The following CASKIN1 variants were observed in gnomAD, a reference collection of about 807,000 sequenced individuals.
The protein encoded by CASKIN1 is CASK interacting protein 1, also known as caskin-1.
A neutral mutation model predicts 117.5 loss-of-function variants in CASKIN1; 42 were observed. The ratio of observed to expected loss-of-function variants is 0.36; its 90% CI spans 0.28 to 0.46. The LOEUF (loss-of-function observed/expected upper bound fraction) is 0.46, where lower values mean the gene tolerates loss of function less well. Ranked by LOEUF, CASKIN1 falls within the 20% of genes least tolerant of loss-of-function variation. The pLI is 1.00. For missense variants in CASKIN1, 2,083 were observed against 2,077.3 expected (o/e 1.00, Z -0.05); for synonymous variants, 1,148 against 961.7 (o/e 1.19, Z -3.59).
At chr16:2,184,733 C>T in intron 14 of CASKIN1, 44 bp downstream of exon 14, 2 of 1,438,674 alleles carry the variant, frequency 1.4e-6, no homozygotes, top group Non-Finnish European at 1.8e-6. Context: ...GGCCTTACAG[C>T]CTCTCCCCGG....
chr16:2,183,961 C>T lies in CASKIN1; in HGVS notation c.1417-20G>A, dbSNP rs1425511305. ...AGAGCTCTGGAAGACACAAGGCACC[C>T]ACTGCAGGCTCGCCTGCCCGGCCGC... On this transcript the variant is annotated intron_variant, in intron 14 of 19. Transcript: ENST00000343516. 9 of 1,546,402 alleles carry T rather than the reference C, an allele frequency of 5.8e-6. No individual in the cohort carries two copies. Among genetic ancestry groups the T allele is most frequent in the Non-Finnish European group, 7.9e-6 (9 of 1,139,132 alleles).
rs562736114 is a variant in CASKIN1, at chr16:2,186,969, C to T, written c.930+9G>A. The T allele has an allele frequency of 1.2e-5, 19 of 1,613,594 alleles. No individual in the cohort carries two copies. Among genetic ancestry groups the T allele is most frequent in the Non-Finnish European group, 1.5e-5 (18 of 1,179,822 alleles). ...TCCCTGCTGAGATGGCCCCTGGGGCCATGCTTACTGTGATGATGTCCCCTG... is the reference window on the plus strand; with the variant it reads ...TCCCTGCTGAGATGGCCCCTGGGGCTATGCTTACTGTGATGATGTCCCCTG... On this transcript the variant is annotated intron_variant, in intron 9 of 19. Transcript: ENST00000343516.
chr16:2,185,151 C>T lies in CASKIN1; in HGVS notation c.1199G>A (p.Ser400Asn). The T allele has an allele frequency of 6.2e-7, 1 of 1,608,908 alleles. No homozygotes were observed. Among genetic ancestry groups the T allele is most frequent in the Non-Finnish European group, 8.5e-7 (1 of 1,179,610 alleles). Residue 400 changes from serine (S) to asparagine (N), a missense_variant, in exon 12 of 20, where the codon AGC (serine) becomes AAC (asparagine). Physicochemically the swap from Ser to Asn is conservative, Grantham distance 46. This residue lies in a region of CASKIN1 where 1,818 missense variants were observed against 1,688.9 expected (regional missense o/e 1.08). Coordinates refer to ENST00000343516, the MANE Select transcript of CASKIN1 (RefSeq NM_020764.4). ...GCCCGCGTGTAGGGCGTGACCCCCG[C>T]TGCCCCGGCCGCCAGCCATGCCGCT... ...SISGMAGGRGSGGHALHAGSE... is the reference protein window; with the variant it reads ...SISGMAGGRGNGGHALHAGSE...
Position 2,181,273 on chromosome 16 carries a change from G to A in CASKIN1, c.2095C>T (p.Arg699Trp), listed in dbSNP as rs753187811. ...TGCGAGCTGCTCATGTGCCGTGCCCGACCACCCAGGCTGGAGTCCTGCCGC... is the reference window on the plus strand; with the variant it reads ...TGCGAGCTGCTCATGTGCCGTGCCCAACCACCCAGGCTGGAGTCCTGCCGC... ...TTRQDSSLGG[R>W]ARHMSSSQEL... The change falls in exon 18 of 20, where the codon CGG (arginine) becomes TGG (tryptophan). Residue 699 changes from arginine to tryptophan, a missense_variant. Transcript: ENST00000343516. 32 of 1,601,004 alleles carry A rather than the reference G, an allele frequency of 2.0e-5. No individual in the cohort carries two copies. The Middle Eastern group carries it at 6.6e-4, about 33-fold the overall frequency.
chr16:2,192,289 C>G (rs1023021783), intron 1 of CASKIN1, among the ~76,000 whole-genome samples: 4 of 149,802 alleles, frequency 2.7e-5, no homozygotes, highest in Non-Finnish European at 5.9e-5. Flanking sequence ...GGTGACAGAG[C>G]AAGACCCTGT....
At chr16:2,192,525 G>A (rs2093204037) in intron 1 of CASKIN1, among the ~76,000 whole-genome samples, 1 of 152,054 alleles carries the variant, frequency 6.6e-6, no homozygotes, top group Non-Finnish European at 1.5e-5. Context: ...GCCTCCAGAC[G>A]TTCCTCCAAC....
rs1255556277 is a variant in CASKIN1 at position 2,178,125 on chromosome 16, G to A, written c.*425C>T. On this transcript the variant is annotated 3_prime_UTR_variant, in exon 20 of 20. Coordinates refer to ENST00000343516, the MANE Select transcript of CASKIN1 (RefSeq NM_020764.4). ...TCCCAATAAATTAATACTCTTGATAGCTTATATTCTGGGGGTGCGGTGGGG... is the reference window on the plus strand; with the variant it reads ...TCCCAATAAATTAATACTCTTGATAACTTATATTCTGGGGGTGCGGTGGGG... 5 of 503,918 alleles carry A rather than the reference G, an allele frequency of 9.9e-6. No individual in the cohort carries two copies. The highest frequency in any genetic ancestry group is 1.9e-5 in the Non-Finnish European group (5 of 260,454). 31.2% of individuals were successfully genotyped at this position (503,918 alleles called of 1,614,324 possible).
At chr16:2,181,970 CCCGCACCCTGCCCATCTACCT>C (rs763615461) in intron 16 of CASKIN1, 41 bp from the exon 17 acceptor site, 3 of 1,607,046 alleles carry the variant, frequency 1.9e-6, no homozygotes, top group East Asian at 4.5e-5. Flanking sequence ...GGGCTGGCTG[CCCGCACCCTGCCCATCTACCT>C]GGAGCTGGAG....
Position 2,179,017 on chromosome 16 carries a change from C to T in CASKIN1, c.4084G>A (p.Gly1362Ser), listed in dbSNP as rs113438103. ...AAAAPPAPPE[G>S]ASPGDSARQK... ...CGGGCGCTGTCCCCTGGCGAGGCGCCTTCGGGCGGGGCGGGGGGCGCGGCG... is the reference window on the plus strand; with the variant it reads ...CGGGCGCTGTCCCCTGGCGAGGCGCTTTCGGGCGGGGCGGGGGGCGCGGCG... The change falls in exon 19 of 20, where the codon GGC becomes AGC. Residue 1362 changes from glycine (G) to serine (S), a missense_variant. Gly to Ser is a moderately conservative substitution (Grantham distance 56). Transcript: ENST00000343516. This position sits in a 1 kb window ranked among gnomAD's most constrained non-coding sequence, Gnocchi z 5.8. 4 of 1,184,576 alleles carry T rather than the reference C, an allele frequency of 3.4e-6. No individual in the cohort carries two copies. Among genetic ancestry groups the T allele is most frequent in the Non-Finnish European group, 3.1e-6 (3 of 957,384 alleles). 73.4% of individuals were successfully genotyped at this position (1,184,576 alleles called of 1,614,324 possible).
At position 2,179,036 on chromosome 16, in the gene CASKIN1, CGCGGCG is replaced by C. The variant is rs553373927; in HGVS notation, c.4059_4064del (p.Ala1354_Ala1355del). On this transcript the variant is annotated inframe_deletion, in exon 19 of 20. Transcript: ENST00000343516. This position sits in a 1 kb window ranked among gnomAD's most constrained non-coding sequence, Gnocchi z 5.8. ...AGGCGCCTTCGGGCGGGGCGGGGGG[CGCGGCG>C]GCGGCGGCGGCGGCGGCGGCGGCGG... The C allele has an allele frequency of 4.6e-4, 509 of 1,116,120 alleles. No individual in the cohort carries two copies. The highest frequency in any genetic ancestry group is 4.1e-3 in the African/African-American group (243 of 59,482). The allele number at this position is 1,116,120 out of a possible 1,614,324, so 69.1% of individuals were successfully genotyped here.
Position 2,181,205 on chromosome 16 carries a change from C to A in CASKIN1, c.2163G>T (p.Met721Ile). The A allele has an allele frequency of 6.3e-7, 1 of 1,577,800 alleles. No individual in the cohort carries two copies. Among genetic ancestry groups the A allele is most frequent in the Non-Finnish European group, 8.5e-7 (1 of 1,171,358 alleles). ...GDGPPGPSSP[M>I]SRSQEYLLDE... ...CCAGGAGGTACTCCTGGCTTCGAGA[C>A]ATGGGGCTGCTGGGCCCAGGGGGCC... The change falls in exon 18 of 20, where the codon ATG (methionine) becomes ATT (isoleucine). Residue 721 changes from methionine (M) to isoleucine (I), a missense_variant. Physicochemically the swap from Met to Ile is conservative, Grantham distance 10. Around this residue, in one of 3 missense-constraint regions of CASKIN1, gnomAD observed 1,818 missense variants for 1,688.9 expected, o/e 1.08. Transcript: ENST00000343516.
rs1026624257 is a variant in CASKIN1, at chr16:2,180,344, C to T, written c.3024G>A (p.Leu1008=). 2 of 1,597,702 alleles carry T rather than the reference C, an allele frequency of 1.3e-6. No individual in the cohort carries two copies. The highest frequency in any genetic ancestry group is 8.5e-7 in the Non-Finnish European group (1 of 1,177,816). The part of the protein sequence containing the change: ...AGSVKSIAAM[L]ELSSIGGGGR... ...CCCCACCCCCAATGGAGGACAGCTC[C>T]AGCATGGCCGCGATGCTCTTCACAC... Residue 1008 remains leucine, a synonymous_variant, in exon 18 of 20, where the codon CTG becomes CTA. Transcript: ENST00000343516.
Position 2,181,135 on chromosome 16 carries a change from C to T in CASKIN1, c.2233G>A (p.Gly745Ser), listed in dbSNP as rs764900493. ...CTCTTGATGCTGTGGCCGTGGCGGC[C>T]GGGCCGGGCCTCCCTGGGCGGGGTG... is the stretch of plus-strand genomic sequence containing the variant. ...PGTPPREARPGRHGHSIKRAS... is the reference protein window; with the variant it reads ...PGTPPREARPSRHGHSIKRAS... Residue 745 changes from glycine to serine, a missense_variant, in exon 18 of 20, where the codon GGC becomes AGC. By Grantham distance (56) the Gly-to-Ser change is moderately conservative. Transcript: ENST00000343516. 1.6e-5 allele frequency: 24 copies of T among 1,478,002 alleles called. No homozygotes were observed. Among genetic ancestry groups the T allele is most frequent in the African/African-American group, 1.1e-4 (8 of 70,580 alleles). The allele number at this position is 1,478,002 out of a possible 1,614,324, so 91.6% of individuals were successfully genotyped here.
chr16:2,196,396 C>T lies in CASKIN1; in HGVS notation c.37G>A (p.Ala13Thr), dbSNP rs1352034449. The T allele has an allele frequency of 6.6e-6, 9 of 1,370,126 alleles. No individual in the cohort carries two copies. The highest frequency in any genetic ancestry group is 4.6e-5 in the Admixed American group (2 of 43,226). The allele number at this position is 1,370,126 out of a possible 1,614,324, so 84.9% of individuals were successfully genotyped here. Residue 13 changes from alanine to threonine, a missense_variant, in exon 1 of 20, where the codon GCG becomes ACG. By Grantham distance (58) the Ala-to-Thr change is moderately conservative. Coordinates refer to ENST00000343516, the MANE Select transcript of CASKIN1 (RefSeq NM_020764.4). The surrounding 1 kb of genome is among the most constrained non-coding windows in gnomAD (Gnocchi z 5.7). ...CTCTGCGCGGTCCCTACGTCCTCCG[C>T]CTTCACCGCCTGCACCAGCTCCTGC... is the stretch of plus-strand genomic sequence containing the variant. ...KEQELVQAVK[A>T]EDVGTAQRLL...
At chr16:2,183,069 G>A (rs866478343) in intron 16 of CASKIN1, among the ~76,000 whole-genome samples, 1 of 152,234 alleles carries the variant, frequency 6.6e-6, no homozygotes, top group Non-Finnish European at 1.5e-5. Flanking sequence ...TTACAGGCGT[G>A]AGCCACCGCG....
Position 2,178,134 on chromosome 16 carries a change from C to G in CASKIN1, c.*416G>C, listed in dbSNP as rs1038990997. On this transcript the variant is annotated 3_prime_UTR_variant, in exon 20 of 20. Coordinates refer to ENST00000343516, the MANE Select transcript of CASKIN1 (RefSeq NM_020764.4). ...ATTAATACTCTTGATAGCTTATATT[C>G]TGGGGGTGCGGTGGGGCAGGGGGGC... 6.0e-6 allele frequency: 3 copies of G among 501,248 alleles called. No individual in the cohort carries two copies. The highest frequency in any genetic ancestry group is 1.6e-5 in the South Asian group (1 of 62,482). The allele number at this position is 501,248 out of a possible 1,614,324, so 31.1% of individuals were successfully genotyped here.
chr16:2,193,487 C>T (rs1009383413), intron 1 of CASKIN1, among the ~76,000 whole-genome samples: 26 of 152,334 alleles, frequency 1.7e-4, no homozygotes, highest in Admixed American at 9.1e-4. Flanking sequence ...CCCCACAGAA[C>T]GCTGACCCCC....
rs2093186297 is a variant in CASKIN1, at chr16:2,186,841, G to C, written c.931-17C>G. 3 of 1,611,458 alleles carry C rather than the reference G, an allele frequency of 1.9e-6. No individual in the cohort carries two copies. Among genetic ancestry groups the C allele is most frequent in the Non-Finnish European group, 2.5e-6 (3 of 1,178,752 alleles). On this transcript the variant is annotated splice_polypyrimidine_tract_variant and intron_variant, in intron 9 of 19. Transcript: ENST00000343516. ...CTCGAGGACCTGGCCAGTAAGGTGG[G>C]GGGCGCTCAGGGAGATGCCCCCTTT... is the stretch of plus-strand genomic sequence containing the variant.
intron 16 of CASKIN1, among the ~76,000 whole-genome samples, chr16:2,183,078 C>T (rs547870857): frequency 6.6e-6 from 1 of 152,348 alleles, no homozygotes; most frequent in Non-Finnish European, 1.5e-5. Flanking sequence ...TGAGCCACCG[C>T]GCCCGGCCGC....
Sources: gnomAD v4.1 joint callset for allele counts (sites outside exome capture counted in the v4.1 genomes callset) on GRCh38, gnomAD v4.1.1 for gene constraint, gnomAD v4.1.1 regional missense constraint, Gnocchi (gnomAD v3.1) non-coding constraint, MANE v1.5 for transcripts, NCBI Gene and HGNC (gene_info 2026-07-23, HGNC 2026-07-21) for gene names.